The following COL19A1 variants were observed in gnomAD, a reference collection of about 807,000 sequenced individuals.
COL19A1 encodes the protein collagen type XIX alpha 1 chain, also known as collagen alpha-1(XIX) chain.
In COL19A1, 159 loss-of-function variants were observed where a neutral mutation model predicts 190.2. The observed-to-expected ratio is 0.84, with a 90% CI of 0.73 to 0.95. The LOEUF is 0.95. Ranked by LOEUF, COL19A1 falls within the 40% of genes least tolerant of loss-of-function variation. The probability of loss-of-function intolerance (pLI) is 0.00; values close to 1 mark genes in which losing one functional copy is unlikely to be tolerated. For synonymous variants in COL19A1, 509 were observed against 458.9 expected (o/e 1.11, Z -1.39); for missense variants, 1,418 against 1,431.9 (o/e 0.99, Z 0.16).
At position 69,979,150 on chromosome 6, in the gene COL19A1, G is replaced by A. The variant is rs77560010; in HGVS notation, c.1026+16280G>A. Among the ~76,000 whole-genome samples, 830 of 152,030 alleles carry A rather than the reference G, an allele frequency of 5.5e-3. 19 individuals carry two copies. In the East Asian group the frequency reaches 0.068, roughly 12 times the overall value. ...TTCAGCAGGGTTTTATGTAGCCAGT[G>A]TTATTTTAACTATTCTAGGCTAAAG... On this transcript the variant is annotated intron_variant, in intron 11 of 50. Transcript: ENST00000620364.
At chr6:70,177,873 A>G (rs562181571) in intron 42 of COL19A1, among the ~76,000 whole-genome samples, 13 of 152,156 alleles carry the variant, frequency 8.5e-5, no homozygotes, top group South Asian at 8.3e-4. Context: ...ACATTTTGCT[A>G]TTACCCTAAA....
At chr6:70,037,425 G>T (rs2150119709) in intron 14 of COL19A1, among the ~76,000 whole-genome samples, 2 of 152,110 alleles carry the variant, frequency 1.3e-5, no homozygotes, top group East Asian at 1.9e-4. Flanking sequence ...CAAAGTGCTG[G>T]GATTACAGGC....
At chr6:69,921,689 TGTAG>T (rs1771958832) in intron 4 of COL19A1, among the ~76,000 whole-genome samples, 1 of 147,514 alleles carries the variant, frequency 6.8e-6, no homozygotes, top group Non-Finnish European at 1.5e-5. Flanking sequence ...TATATTCGTA[TGTAG>T]ATTCGTATAT....
At chr6:69,969,465 A>G (rs534792963) in intron 11 of COL19A1, among the ~76,000 whole-genome samples, 2 of 152,170 alleles carry the variant, frequency 1.3e-5, no homozygotes, top group Admixed American at 1.3e-4. Flanking sequence ...CGCCTGTGTT[A>G]TCGGCAGGTT....
chr6:70,165,268 C>A (rs1263368456), intron 36 of COL19A1, among the ~76,000 whole-genome samples: 1 of 152,174 alleles, frequency 6.6e-6, no homozygotes, highest in Non-Finnish European at 1.5e-5. Context: ...TTTCAACTTT[C>A]AACTTGAATT....
chr6:70,175,832 C>G (rs988283929), intron 41 of COL19A1, among the ~76,000 whole-genome samples: 1 of 152,180 alleles, frequency 6.6e-6, no homozygotes, highest in African/African-American at 2.4e-5. Flanking sequence ...TCTCCAAGAA[C>G]AGAGCATATC....
chr6:70,100,250 T>A (rs76859012), intron 15 of COL19A1, among the ~76,000 whole-genome samples: 3,240 of 152,262 alleles, frequency 0.021, 118 homozygotes, highest in African/African-American at 0.073. Flanking sequence ...AATTAATAAA[T>A]TACAGTGTTT....
chr6:70,093,671 A>G (rs1272519676), intron 15 of COL19A1, among the ~76,000 whole-genome samples: 5 of 152,304 alleles, frequency 3.3e-5, no homozygotes, highest in Middle Eastern at 3.4e-3. Flanking sequence ...CTCAAAAATT[A>G]TAACAGCAAA....
At chr6:69,959,566 T>C (rs151311693) in intron 9 of COL19A1, among the ~76,000 whole-genome samples, 3 of 152,302 alleles carry the variant, frequency 2.0e-5, no homozygotes, top group East Asian at 1.9e-4. Flanking sequence ...AAGAAGTTCA[T>C]TGAGGCAGTA....
At chr6:69,961,483 A>C (rs1158407489) in intron 10 of COL19A1, among the ~76,000 whole-genome samples, 5 of 152,212 alleles carry the variant, frequency 3.3e-5, no homozygotes. Flanking sequence ...TGGTGGCTGC[A>C]TCATGCTGAC....
At chr6:69,958,035 A>C (rs3805971) in intron 9 of COL19A1, among the ~76,000 whole-genome samples, 7,370 of 152,264 alleles carry the variant, frequency 0.048, 240 homozygotes, top group South Asian at 0.096. Context: ...TAATTACAAC[A>C]ATCATAAAAC....
At position 70,165,925 on chromosome 6, in the gene COL19A1, T is replaced by C. The variant is rs1463953552; in HGVS notation, c.2401-16T>C. Reference sequence around the variant, plus strand: ...GAAACGTCTACGCCGCTGATATGTCTATATATCCCTTGCAGGGCAGCGACG... The same window carrying C: ...GAAACGTCTACGCCGCTGATATGTCCATATATCCCTTGCAGGGCAGCGACG... On this transcript the variant is annotated splice_polypyrimidine_tract_variant and intron_variant, in intron 36 of 50. Coordinates refer to ENST00000620364, the MANE Select transcript of COL19A1 (RefSeq NM_001858.6). The C allele has an allele frequency of 1.2e-6, 2 of 1,613,346 alleles. No homozygotes were observed.
intron 11 of COL19A1, among the ~76,000 whole-genome samples, chr6:70,008,618 T>C (rs573334381): frequency 6.6e-6 from 1 of 152,000 alleles, no homozygotes; most frequent in African/African-American, 2.4e-5. Context: ...TTATTTGAAA[T>C]GAGACCAATC....
chr6:69,970,442 G>T (rs968510548), intron 11 of COL19A1, among the ~76,000 whole-genome samples: 10 of 152,122 alleles, frequency 6.6e-5, no homozygotes, highest in African/African-American at 2.4e-4. Flanking sequence ...GAATGGTTTT[G>T]TACTTTTACA....
intron 12 of COL19A1, among the ~76,000 whole-genome samples, chr6:70,027,945 G>A (rs1384204511): frequency 6.6e-6 from 1 of 152,052 alleles, no homozygotes; most frequent in Non-Finnish European, 1.5e-5. Flanking sequence ...AAATTACTTA[G>A]CCTCTCTGTG....
At chr6:70,108,142 G>A (rs893139716) in intron 16 of COL19A1, among the ~76,000 whole-genome samples, 6 of 152,086 alleles carry the variant, frequency 3.9e-5, no homozygotes, top group African/African-American at 1.2e-4. Context: ...TAACTAATGA[G>A]CCATTAAAGG....
At chr6:70,096,383 C>T (rs1168414133) in intron 15 of COL19A1, among the ~76,000 whole-genome samples, 1 of 152,082 alleles carries the variant, frequency 6.6e-6, no homozygotes, top group East Asian at 1.9e-4. Context: ...TTTACAATCC[C>T]ATCAACCTTG....
intron 9 of COL19A1, among the ~76,000 whole-genome samples, chr6:69,942,696 G>A (rs1304932624): frequency 6.6e-6 from 1 of 150,980 alleles, no homozygotes; most frequent in Non-Finnish European, 1.5e-5. Context: ...GCAAATGATG[G>A]GATTTTACTC....
At chr6:70,185,214 T>G (rs1367941653) in intron 46 of COL19A1, among the ~76,000 whole-genome samples, 1 of 152,224 alleles carries the variant, frequency 6.6e-6, no homozygotes, top group Non-Finnish European at 1.5e-5. Flanking sequence ...CCATCACCCA[T>G]GTTCTTTTTA....
Sources: allele counts gnomAD v4.1 joint callset (sites outside exome capture counted in the v4.1 genomes callset), GRCh38; gene constraint gnomAD v4.1.1; transcripts MANE v1.5; gene names NCBI Gene and HGNC (gene_info 2026-07-23, HGNC 2026-07-21).